NME9: variants seen among roughly 807,000 people sequenced by gnomAD.
NME9 encodes NME/NM23 family member 9, also known as thioredoxin domain-containing protein 6.
Under a neutral mutation model 44.4 loss-of-function variants are expected in NME9, and 48 were observed. That is an observed-to-expected ratio of 1.08 (90% confidence interval 0.86 to 1.37). The LOEUF is 1.37. Ranked by LOEUF, NME9 falls within the 40% of genes most tolerant of loss-of-function variation. The probability of loss-of-function intolerance (pLI) is 0.00; values close to 1 mark genes in which losing one functional copy is unlikely to be tolerated. For missense variants in NME9, 325 were observed against 405.2 expected, an observed-to-expected ratio of 0.80 and a Z score of 1.70; for synonymous variants, 139 against 147.1, an observed-to-expected ratio of 0.94 and a Z score of 0.40.
intron 8 of NME9, among the ~76,000 whole-genome samples, chr3:138,276,322 G>A (rs940714659): frequency 6.6e-6 from 1 of 152,190 alleles, no homozygotes. Context: ...CAGTGTTTCA[G>A]TTTTGACACG....
At chr3:138,305,866 T>C in intron 8 of NME9, 138 bp downstream of exon 8, 5 of 680,392 alleles carry the variant, frequency 7.3e-6, no homozygotes, top group Middle Eastern at 2.5e-4. Flanking sequence ...ATTCTGAGAA[T>C]AAATTCATGA....
rs2051824428 is a variant in NME9 at position 138,301,210 on chromosome 3, T to TA, written c.*429dup. ...TATTCTCTTTCTTTACTTTTTTTTT[T>TA]ATTATTATTATTAAGATGGAGTCTC... On this transcript the variant is annotated 3_prime_UTR_variant, in exon 11 of 11. Transcript: ENST00000333911. The TA allele has an allele frequency of 1.5e-6, 1 of 679,888 alleles. No homozygotes were observed. The highest frequency in any genetic ancestry group is 1.8e-6 in the Non-Finnish European group (1 of 551,444). 42.1% of individuals were successfully genotyped at this position (679,888 alleles called of 1,614,324 possible). A position where few individuals can be genotyped will look rare whatever the true frequency, so the allele number is the denominator to read the frequency against.
At chr3:138,308,738 G>C (rs2052460780) in intron 6 of NME9, among the ~76,000 whole-genome samples, 1 of 151,966 alleles carries the variant, frequency 6.6e-6, no homozygotes, top group Admixed American at 6.6e-5. Context: ...TGTTATATTT[G>C]AACATAAAAT....
At chr3:138,295,465 T>C (rs933970810) in intron 8 of NME9, among the ~76,000 whole-genome samples, 3 of 152,160 alleles carry the variant, frequency 2.0e-5, no homozygotes, top group African/African-American at 7.2e-5. Context: ...CTAAGTGTTC[T>C]CCCTAGTGTT....
intron 2 of NME9, chr3:138,324,225 A>C: frequency 3.1e-6 from 1 of 325,782 alleles, no homozygotes; most frequent in Non-Finnish European, 6.1e-6. Flanking sequence ...GTCTGCCAAC[A>C]GCCACACAAA....
chr3:138,314,246 G>A lies in NME9; in HGVS notation c.460+86C>T, dbSNP rs2052909790. The stretch of plus-strand genomic sequence containing the variant: ...ATCTTCTCATAGTTCAGATTGCTCA[G>A]TAAACTGAATACTCATCTATTTTAA... On this transcript the variant is annotated intron_variant, in intron 6 of 10. Coordinates refer to ENST00000333911, the MANE Select transcript of NME9 (RefSeq NM_001349018.2). 1.4e-5 allele frequency: 10 copies of A among 727,758 alleles called. No individual in the cohort carries two copies. The South Asian group carries it at 2.2e-4, about 16-fold the overall frequency. 45.1% of individuals were successfully genotyped at this position (727,758 alleles called of 1,614,324 possible). A position where few individuals can be genotyped will look rare whatever the true frequency, so the allele number is the denominator to read the frequency against.
chr3:138,301,343 A>G lies in NME9; in HGVS notation c.*297T>C, dbSNP rs2108424365. 4 of 368,540 alleles carry G rather than the reference A, an allele frequency of 1.1e-5. No individual in the cohort carries two copies. Among genetic ancestry groups the G allele is most frequent in the Non-Finnish European group, 1.7e-5 (4 of 234,306 alleles). 22.8% of individuals were successfully genotyped at this position (368,540 alleles called of 1,614,324 possible). ...CCTAAGCCACCCGAGTAGCTGGATG[A>G]CAGGTGCACACCACCACGCCCGGCT... On this transcript the variant is annotated 3_prime_UTR_variant, in exon 11 of 11. Coordinates refer to ENST00000333911, the MANE Select transcript of NME9 (RefSeq NM_001349018.2).
intron 8 of NME9, among the ~76,000 whole-genome samples, chr3:138,286,180 T>A (rs1318935517): frequency 6.6e-6 from 1 of 152,188 alleles, no homozygotes; most frequent in East Asian, 1.9e-4. Context: ...TGATCTCAAA[T>A]GATCCACCTG....
intron 8 of NME9, among the ~76,000 whole-genome samples, chr3:138,285,447 C>T (rs948805184): frequency 6.6e-6 from 1 of 152,228 alleles, no homozygotes; most frequent in African/African-American, 2.4e-5. Flanking sequence ...GTTCACTACA[C>T]TGGCCACTTG....
At chr3:138,264,877 G>T (rs2048122715) in intron 8 of NME9, among the ~76,000 whole-genome samples, 1 of 150,426 alleles carries the variant, frequency 6.6e-6, no homozygotes. Context: ...GTTGTTCTTA[G>T]TCTCGGCAAT....
chr3:138,305,797 C>A (rs972316383), intron 8 of NME9, among the ~76,000 whole-genome samples: 2 of 152,178 alleles, frequency 1.3e-5, no homozygotes, highest in Admixed American at 1.3e-4. Context: ...TAATTCATTT[C>A]TTAGAGAGAA....
chr3:138,310,786 T>A (rs1034007531), intron 6 of NME9, among the ~76,000 whole-genome samples: 1 of 152,170 alleles, frequency 6.6e-6, no homozygotes, highest in Non-Finnish European at 1.5e-5. Context: ...AGGGGAAGTT[T>A]GTAGCAATAA....
intron 1 of NME9, among the ~76,000 whole-genome samples, chr3:138,327,364 C>T (rs1358280201): frequency 6.6e-6 from 1 of 152,074 alleles, no homozygotes; most frequent in Non-Finnish European, 1.5e-5. Flanking sequence ...CACACCCCTA[C>T]CCAGAGGCTC....
intron 1 of NME9, among the ~76,000 whole-genome samples, chr3:138,328,021 A>G (rs2053900925): frequency 6.6e-6 from 1 of 152,148 alleles, no homozygotes; most frequent in South Asian, 2.1e-4. Flanking sequence ...GACAGGTATC[A>G]TCCCTCCTGT....
chr3:138,317,398 A>G (rs1405141764), intron 4 of NME9, among the ~76,000 whole-genome samples: 1 of 152,168 alleles, frequency 6.6e-6, no homozygotes, highest in East Asian at 1.9e-4. Flanking sequence ...CTCTACAATG[A>G]GGGGCTGGTC....
intron 10 of NME9, among the ~76,000 whole-genome samples, chr3:138,302,449 G>A (rs763689819): frequency 6.6e-6 from 1 of 152,098 alleles, no homozygotes; most frequent in Non-Finnish European, 1.5e-5. Flanking sequence ...AAGCTTGAAG[G>A]TGCCCCACAA....
At chr3:138,270,742 TTAA>T (rs1413585277) in intron 8 of NME9, among the ~76,000 whole-genome samples, 1 of 152,180 alleles carries the variant, frequency 6.6e-6, no homozygotes, top group Admixed American at 6.6e-5. Context: ...GCATAAATAC[TTAA>T]TAATTTTTTA....
At chr3:138,300,110 G>T (rs1156965062), downstream of NME9, among the ~76,000 whole-genome samples, 2 of 152,194 alleles carry the variant, frequency 1.3e-5, no homozygotes, top group Non-Finnish European at 2.9e-5. Flanking sequence ...AGTGCATCCA[G>T]CTTCCTGACA....
chr3:138,308,700 G>A (rs2052457544), intron 6 of NME9, among the ~76,000 whole-genome samples: 2 of 152,088 alleles, frequency 1.3e-5, no homozygotes, highest in Non-Finnish European at 2.9e-5. Flanking sequence ...CTTTTTTGAT[G>A]CCTGGTAATT....
Sources: allele counts gnomAD v4.1 joint callset (sites outside exome capture counted in the v4.1 genomes callset), GRCh38; gene constraint gnomAD v4.1.1; transcripts MANE v1.5; gene names NCBI Gene and HGNC (gene_info 2026-07-23, HGNC 2026-07-21).